Variants in CUX1 observed in about 807,000 individuals in gnomAD.
CUX1 encodes the protein protein CASP.
Under a neutral mutation model 158.8 loss-of-function variants are expected in CUX1, and 31 were observed. That is an observed-to-expected ratio of 0.20 (90% CI 0.15 to 0.26). CUX1 has a LOEUF of 0.26. Ranked by LOEUF, CUX1 falls within the 10% of genes least tolerant of loss-of-function variation. The pLI is 1.00. For missense variants in CUX1, 1,589 were observed against 2,014.6 expected (o/e 0.79, Z 4.04); for synonymous variants, 879 against 862.1 (o/e 1.02, Z -0.34).
At chr7:102,191,817 C>T (rs1554517075) in intron 12 of CUX1, among the ~76,000 whole-genome samples, 1 of 151,784 alleles carries the variant, frequency 6.6e-6, no homozygotes, top group African/African-American at 2.4e-5. Context: ...CCTCTTCTCC[C>T]CCAACCCCCA....
intron 6 of CUX1, among the ~76,000 whole-genome samples, chr7:102,105,197 A>C (rs1830204035): frequency 6.6e-6 from 1 of 151,910 alleles, no homozygotes; most frequent in Admixed American, 6.6e-5. Flanking sequence ...ACACACACAC[A>C]CACACACACA....
chr7:102,237,135 T>C (rs1554533180), intron 22 of CUX1, among the ~76,000 whole-genome samples: 1 of 152,216 alleles, frequency 6.6e-6, no homozygotes, highest in African/African-American at 2.4e-5. Context: ...ACTCCGCTGT[T>C]TGGGTTTTCT....
intron 11 of CUX1, among the ~76,000 whole-genome samples, chr7:102,184,059 G>A (rs551444780): frequency 1.3e-4 from 20 of 151,960 alleles, no homozygotes; most frequent in African/African-American, 4.8e-4. Context: ...CACCACACCC[G>A]GCGAATTTTT....
intron 1 of CUX1, among the ~76,000 whole-genome samples, chr7:101,910,133 C>T (rs768780198): frequency 2.2e-4 from 34 of 151,950 alleles, no homozygotes; most frequent in Non-Finnish European, 4.6e-4. Flanking sequence ...GATGGCCAAG[C>T]TGGTTTCGAA....
At chr7:102,024,386 G>C (rs1021912928) in intron 2 of CUX1, among the ~76,000 whole-genome samples, 2 of 152,116 alleles carry the variant, frequency 1.3e-5, no homozygotes, top group African/African-American at 4.8e-5. Context: ...GAGGGCATTG[G>C]TGCAGTCTCA....
At chr7:102,190,952 C>A (rs1794206164) in intron 12 of CUX1, among the ~76,000 whole-genome samples, 2 of 152,134 alleles carry the variant, frequency 1.3e-5, no homozygotes, top group African/African-American at 4.8e-5. Context: ...GAGCCTACAC[C>A]CACTCACCAC....
intron 2 of CUX1, among the ~76,000 whole-genome samples, chr7:101,968,445 C>T (rs1811492616): frequency 1.3e-5 from 2 of 151,920 alleles, no homozygotes; most frequent in South Asian, 4.2e-4. Context: ...ATTTTTGAGA[C>T]GTGGTCTCGC....
At chr7:101,907,435 G>A (rs1413904823) in intron 1 of CUX1, among the ~76,000 whole-genome samples, 4 of 151,986 alleles carry the variant, frequency 2.6e-5, no homozygotes, top group Non-Finnish European at 4.4e-5. Flanking sequence ...TGCAACCTCC[G>A]CCCCCAGGGT....
At chr7:102,237,001 C>T (rs1473190415) in intron 22 of CUX1, among the ~76,000 whole-genome samples, 2 of 152,140 alleles carry the variant, frequency 1.3e-5, no homozygotes, top group Admixed American at 1.3e-4. Flanking sequence ...AAAGGCTGCT[C>T]CCTAGAGAGG....
At chr7:101,851,337 T>C (rs1398250952) in intron 1 of CUX1, among the ~76,000 whole-genome samples, 1 of 152,070 alleles carries the variant, frequency 6.6e-6, no homozygotes, top group Admixed American at 6.6e-5. Flanking sequence ...ACAGCCCTTC[T>C]TGGCCCCCCT....
chr7:102,192,681 G>C (rs897050659), intron 12 of CUX1, among the ~76,000 whole-genome samples: 1 of 152,254 alleles, frequency 6.6e-6, no homozygotes, highest in East Asian at 1.9e-4. Context: ...ACACTAGGGG[G>C]ACAGAGGCCG....
At chr7:101,947,449 A>G (rs547559494) in intron 2 of CUX1, among the ~76,000 whole-genome samples, 1 of 152,328 alleles carries the variant, frequency 6.6e-6, no homozygotes, top group Admixed American at 6.5e-5. Context: ...CCGAGCTTAA[A>G]TATTTACCCC....
intron 3 of CUX1, among the ~76,000 whole-genome samples, chr7:102,067,607 C>T (rs984805287): frequency 2.0e-5 from 3 of 151,440 alleles, no homozygotes; most frequent in African/African-American, 7.3e-5. Flanking sequence ...TGACTCCTGC[C>T]GGTGAGTGGA....
chr7:102,231,463 G>A (rs1309714851), intron 21 of CUX1, among the ~76,000 whole-genome samples: 1 of 152,028 alleles, frequency 6.6e-6, no homozygotes, highest in Non-Finnish European at 1.5e-5. Flanking sequence ...CTGGGTGAAG[G>A]TTTGTAGCTT....
At chr7:102,156,952 C>A (rs1446155179) in intron 8 of CUX1, among the ~76,000 whole-genome samples, 2 of 152,198 alleles carry the variant, frequency 1.3e-5, no homozygotes, top group Non-Finnish European at 2.9e-5. Context: ...AGTGCCACTT[C>A]CTGAGACAGA....
At chr7:102,009,986 G>A (rs1323365910) in intron 2 of CUX1, among the ~76,000 whole-genome samples, 7 of 152,170 alleles carry the variant, frequency 4.6e-5, no homozygotes, top group Admixed American at 6.6e-5. Context: ...CACATGGGGA[G>A]CTTGAAAATG....
At chr7:101,910,757 A>AC (rs1305912807) in intron 1 of CUX1, among the ~76,000 whole-genome samples, 1 of 152,000 alleles carries the variant, frequency 6.6e-6, no homozygotes, top group Non-Finnish European at 1.5e-5. Context: ...AAAAAAAAAA[A>AC]AAAGATGGGC....
intron 3 of CUX1, among the ~76,000 whole-genome samples, chr7:102,036,732 A>G (rs1821461842): frequency 6.7e-6 from 1 of 149,502 alleles, no homozygotes; most frequent in Admixed American, 6.8e-5. Context: ...ACAGAGTGAG[A>G]CTCCATCTCA....
At chr7:102,136,947 T>C (rs1352744434) in intron 8 of CUX1, among the ~76,000 whole-genome samples, 2 of 152,030 alleles carry the variant, frequency 1.3e-5, no homozygotes, top group African/African-American at 2.4e-5. Flanking sequence ...TTTTCTTGTG[T>C]TTACCAAGAA....
Sources: gnomAD v4.1 joint callset for allele counts (sites outside exome capture counted in the v4.1 genomes callset) on GRCh38, gnomAD v4.1.1 for gene constraint, MANE v1.5 for transcripts, NCBI Gene and HGNC (gene_info 2026-07-23, HGNC 2026-07-21) for gene names.